Variants in PLPPR1 observed in about 807,000 individuals in gnomAD.
PLPPR1 encodes the protein phospholipid phosphatase-related protein type 1.
PLPPR1 carries 10 observed loss-of-function variants against 33.1 expected under a neutral mutation model. The ratio of observed to expected loss-of-function variants is 0.30; its 90% CI spans 0.19 to 0.51. PLPPR1 has a LOEUF of 0.51. Ranked by LOEUF, PLPPR1 falls within the 20% of genes least tolerant of loss-of-function variation. The pLI is 0.97. For missense variants in PLPPR1, 304 were observed against 408.1 expected, an observed-to-expected ratio of 0.74 and a Z score of 2.20; for synonymous variants, 151 against 151.0, an observed-to-expected ratio of 1.00 and a Z score of 0.00.
chr9:101,172,908 A>G (rs1247718331), intron 1 of PLPPR1, among the ~76,000 whole-genome samples: 2 of 152,080 alleles, frequency 1.3e-5, no homozygotes, highest in Non-Finnish European at 2.9e-5. Flanking sequence ...CTCATGTCCA[A>G]TGTCTTGAAT....
chr9:101,237,654 C>G lies in PLPPR1; in HGVS notation c.64-32226C>G, dbSNP rs985129183. On this transcript the variant is annotated intron_variant, in intron 2 of 7. Transcript: ENST00000374874. Reference sequence around the variant, plus strand: ...GCATATATATATATACACACACACACACACAAAATTCCATCATATATATAC... The same window carrying G: ...GCATATATATATATACACACACACAGACACAAAATTCCATCATATATATAC... 2.8e-5 allele frequency among the ~76,000 whole-genome samples: 4 copies of G among 142,934 alleles called. No homozygotes were observed. In the Admixed American group the frequency reaches 2.8e-4, roughly 10 times the overall value. 93.8% of individuals were successfully genotyped at this position (142,934 alleles called of 152,430 possible). A position where few individuals can be genotyped will look rare whatever the true frequency, so the allele number is the denominator to read the frequency against.
At chr9:101,305,131 T>C (rs1341770) in intron 4 of PLPPR1, among the ~76,000 whole-genome samples, 7,246 of 152,160 alleles carry the variant, frequency 0.048, 532 homozygotes, top group African/African-American at 0.16. Context: ...AGAAAGCCTT[T>C]CCCTAGATTT....
chr9:101,296,391 C>T (rs528251889), intron 4 of PLPPR1, among the ~76,000 whole-genome samples: 4,807 of 147,824 alleles, frequency 0.033, 265 homozygotes, highest in African/African-American at 0.11. Context: ...GTCAGTGTGG[C>T]AATTCCTCAG....
intron 7 of PLPPR1, among the ~76,000 whole-genome samples, chr9:101,319,350 G>T (rs1240247674): frequency 6.6e-6 from 1 of 152,068 alleles, no homozygotes; most frequent in Non-Finnish European, 1.5e-5. Context: ...CTACTTTCTT[G>T]TATTTTTAGT....
At chr9:101,155,007 T>C (rs1244653632) in intron 1 of PLPPR1, among the ~76,000 whole-genome samples, 1 of 150,416 alleles carries the variant, frequency 6.6e-6, no homozygotes, top group East Asian at 2.0e-4. Flanking sequence ...ATATACGTAA[T>C]GTAAATGATG....
At chr9:101,246,393 T>G (rs1305760867) in intron 2 of PLPPR1, among the ~76,000 whole-genome samples, 1 of 152,020 alleles carries the variant, frequency 6.6e-6, no homozygotes, top group African/African-American at 2.4e-5. Flanking sequence ...TTTTCACCAA[T>G]GCTAATCAAC....
chr9:101,296,572 G>A (rs1206002131), intron 4 of PLPPR1, among the ~76,000 whole-genome samples: 2 of 152,140 alleles, frequency 1.3e-5, no homozygotes, highest in Non-Finnish European at 2.9e-5. Flanking sequence ...GTGATCCACT[G>A]GATAACGAAA....
chr9:101,274,123 A>T (rs1025368062), intron 3 of PLPPR1, among the ~76,000 whole-genome samples: 2 of 152,236 alleles, frequency 1.3e-5, no homozygotes, highest in African/African-American at 2.4e-5. Flanking sequence ...AAGCACCTAC[A>T]GTTCTACTCT....
intron 2 of PLPPR1, among the ~76,000 whole-genome samples, chr9:101,223,647 G>A (rs990964886): frequency 6.6e-6 from 1 of 151,860 alleles, no homozygotes; most frequent in African/African-American, 2.4e-5. Flanking sequence ...AAGATCTGAT[G>A]GTTTTATAAG....
intron 2 of PLPPR1, among the ~76,000 whole-genome samples, chr9:101,252,082 T>A (rs1199013258): frequency 6.6e-6 from 1 of 152,178 alleles, no homozygotes. Flanking sequence ...GTTCATGGTA[T>A]CACCCTGCTA....
chr9:101,275,206 G>A (rs189845284), intron 3 of PLPPR1, among the ~76,000 whole-genome samples: 5 of 152,174 alleles, frequency 3.3e-5, no homozygotes, highest in Admixed American at 6.5e-5. Context: ...GGACTTGTCT[G>A]TCCTTGGTTT....
chr9:101,225,598 C>G (rs905122386), intron 2 of PLPPR1, among the ~76,000 whole-genome samples: 15 of 152,064 alleles, frequency 9.9e-5, no homozygotes, highest in African/African-American at 3.6e-4. Flanking sequence ...GAAAATAACT[C>G]CAAATGAACA....
chr9:101,044,150 C>A (rs1000480440), intron 1 of PLPPR1, among the ~76,000 whole-genome samples: 1 of 152,134 alleles, frequency 6.6e-6, no homozygotes, highest in Non-Finnish European at 1.5e-5. Context: ...CTACAAGGAA[C>A]GCAAACAAAT....
At chr9:101,091,568 C>A (rs901586753) in intron 1 of PLPPR1, among the ~76,000 whole-genome samples, 1 of 152,144 alleles carries the variant, frequency 6.6e-6, no homozygotes, top group Non-Finnish European at 1.5e-5. Context: ...CCTCTTCCAC[C>A]CTTAAGGCTC....
At chr9:101,309,119 C>A (rs941989586) in intron 4 of PLPPR1, 92 bp from the exon 5 acceptor site, 4 of 1,291,374 alleles carry the variant, frequency 3.1e-6, no homozygotes, top group Admixed American at 1.8e-5. Flanking sequence ...TTTGATAGGT[C>A]ATCATGGACT....
chr9:101,264,575 A>G (rs927824034), intron 2 of PLPPR1, among the ~76,000 whole-genome samples: 4 of 152,134 alleles, frequency 2.6e-5, no homozygotes, highest in Admixed American at 2.0e-4. Flanking sequence ...GTAGATTACA[A>G]ATTACATGGG....
chr9:101,305,204 AGTG>A (rs1828834701), intron 4 of PLPPR1, among the ~76,000 whole-genome samples: 1 of 150,046 alleles, frequency 6.7e-6, no homozygotes, highest in African/African-American at 2.5e-5. Flanking sequence ...ATGAGGTAAA[AGTG>A]TGTGTGTGTG....
chr9:101,157,940 G>T (rs1831717947), intron 1 of PLPPR1, among the ~76,000 whole-genome samples: 1 of 152,140 alleles, frequency 6.6e-6, no homozygotes, highest in Non-Finnish European at 1.5e-5. Context: ...GGAGGTGGAG[G>T]TTGCAGTGAG....
chr9:101,235,727 A>G (rs941532572), intron 2 of PLPPR1, among the ~76,000 whole-genome samples: 1 of 151,832 alleles, frequency 6.6e-6, no homozygotes, highest in Admixed American at 6.6e-5. Context: ...ACCTTTCCTT[A>G]GAAAATGAGA....
Sources: allele counts gnomAD v4.1 joint callset (sites outside exome capture counted in the v4.1 genomes callset), GRCh38; gene constraint gnomAD v4.1.1; transcripts MANE v1.5; gene names NCBI Gene and HGNC (gene_info 2026-07-23, HGNC 2026-07-21).